Variants in MALRD1 observed in about 807,000 individuals in gnomAD.
MALRD1 encodes MAM and LDL receptor class A domain containing 1, also known as MAM and LDL-receptor class A domain-containing protein 1.
MALRD1 carries 247 observed loss-of-function variants against 242.1 expected under a neutral mutation model. That is an observed-to-expected ratio of 1.02 (90% CI 0.92 to 1.13). The LOEUF (loss-of-function observed/expected upper bound fraction) is 1.13. Among genes scored for constraint, MALRD1 ranks in the 50% most tolerant of loss-of-function variants. The probability of loss-of-function intolerance (pLI) is 0.00; values close to 1 mark genes in which losing one functional copy is unlikely to be tolerated. For synonymous variants in MALRD1, 995 were observed against 866.6 expected (o/e 1.15, Z -2.60); for missense variants, 2,989 against 2,533.1 (o/e 1.18, Z -3.86).
chr10:19,340,328 G>T lies in MALRD1; in HGVS notation c.3902-7443G>T, dbSNP rs184257595. 2.7e-5 allele frequency among the ~76,000 whole-genome samples: 4 copies of T among 146,434 alleles called. No homozygotes were observed. In the East Asian group the frequency reaches 8.2e-4, roughly 30 times the overall value. Reference sequence around the variant, plus strand: ...TAAAATTAATTTATCACTGACTGTAGTCAATTTGATGTGCTAACTTTTTTT... The same window carrying T: ...TAAAATTAATTTATCACTGACTGTATTCAATTTGATGTGCTAACTTTTTTT... On this transcript the variant is annotated intron_variant, in intron 24 of 39. Coordinates refer to ENST00000454679, the MANE Select transcript of MALRD1 (RefSeq NM_001142308.3).
chr10:19,173,232 A>C (rs1282819503), intron 13 of MALRD1, among the ~76,000 whole-genome samples: 1 of 152,074 alleles, frequency 6.6e-6, no homozygotes, highest in African/African-American at 2.4e-5. Context: ...ATTATACTAT[A>C]ATATTTTTCT....
chr10:19,271,410 A>T (rs747858498), intron 19 of MALRD1, among the ~76,000 whole-genome samples: 3 of 152,146 alleles, frequency 2.0e-5, no homozygotes, highest in African/African-American at 4.8e-5. Context: ...AAACCCAAAT[A>T]CCATTTTATT....
chr10:19,162,963 A>C (rs1834497056), intron 12 of MALRD1, among the ~76,000 whole-genome samples: 1 of 151,220 alleles, frequency 6.6e-6, no homozygotes, highest in South Asian at 2.1e-4. Context: ...TGAAACCTTC[A>C]TCTCTACTAA....
At chr10:19,278,751 G>A (rs1588839200) in intron 19 of MALRD1, among the ~76,000 whole-genome samples, 1 of 152,172 alleles carries the variant, frequency 6.6e-6, no homozygotes, top group Non-Finnish European at 1.5e-5. Context: ...AAAAATGCAC[G>A]AGGAGAGAAG....
chr10:19,243,337 G>T (rs1244762438), intron 18 of MALRD1, among the ~76,000 whole-genome samples: 1 of 152,024 alleles, frequency 6.6e-6, no homozygotes, highest in Non-Finnish European at 1.5e-5. Context: ...GCAGCCCAAA[G>T]AATGTGAAAA....
At chr10:19,138,588 T>C (rs931705817) in intron 10 of MALRD1, among the ~76,000 whole-genome samples, 3 of 151,666 alleles carry the variant, frequency 2.0e-5, no homozygotes, top group Admixed American at 6.6e-5. Flanking sequence ...ACCCAGATAA[T>C]TTTTGTATTT....
At chr10:19,399,730 TTAAAA>T (rs1846750264) in intron 28 of MALRD1, among the ~76,000 whole-genome samples, 1 of 152,182 alleles carries the variant, frequency 6.6e-6, no homozygotes. Flanking sequence ...GGAATTTTAA[TTAAAA>T]TAAATGTTTT....
chr10:19,165,942 G>A (rs1045429896), intron 13 of MALRD1, 132 bp downstream of exon 13: 1 of 577,114 alleles, frequency 1.7e-6, no homozygotes, highest in African/African-American at 1.9e-5. Context: ...CAATGCAACA[G>A]AAGACACTTA....
At chr10:19,318,295 C>G (rs776334806) in intron 21 of MALRD1, among the ~76,000 whole-genome samples, 13 of 151,894 alleles carry the variant, frequency 8.6e-5, no homozygotes, top group Admixed American at 1.3e-4. Context: ...GTACTGTTCA[C>G]AGTTTGATAA....
intron 21 of MALRD1, among the ~76,000 whole-genome samples, chr10:19,285,357 G>T (rs1841055265): frequency 7.0e-6 from 1 of 142,532 alleles, no homozygotes; most frequent in Admixed American, 7.1e-5. Flanking sequence ...TAATGCCTAG[G>T]TTTTCTTCTA....
intron 2 of MALRD1, among the ~76,000 whole-genome samples, chr10:19,084,543 T>G (rs10740840): frequency 0.54 from 81,535 of 151,530 alleles, 22,100 homozygotes; most frequent in Middle Eastern, 0.6. Context: ...CTGCTCACAT[T>G]CAGGTCCATT....
At chr10:19,587,510 G>T (rs1837498920) in intron 33 of MALRD1, among the ~76,000 whole-genome samples, 2 of 152,062 alleles carry the variant, frequency 1.3e-5, no homozygotes, top group Non-Finnish European at 2.9e-5. Flanking sequence ...GATTATCCTT[G>T]GGCACTTTAG....
rs538641820 is a variant in MALRD1, at chr10:19,205,211, C to T, written c.2524C>T (p.Arg842Trp). The change falls in exon 17 of 40, where the codon CGG becomes TGG. Residue 842 changes from arginine to tryptophan, a missense_variant. Arg to Trp is a moderately radical substitution (Grantham distance 101, BLOSUM62 -3). Transcript: ENST00000454679. ...CACCAGGGCTTGCATAGAAAAGCTT[C>T]GGTTATGTGATCTGGTGGATGACTG... ...RHTRACIEKL[R>W]LCDLVDDCGD... 8.4e-6 allele frequency: 13 copies of T among 1,550,908 alleles called. No homozygotes were observed. The highest frequency in any genetic ancestry group is 2.7e-5 in the African/African-American group (2 of 73,106).
At chr10:19,487,054 C>G (rs898102056) in intron 29 of MALRD1, among the ~76,000 whole-genome samples, 1 of 151,990 alleles carries the variant, frequency 6.6e-6, no homozygotes, top group Admixed American at 6.6e-5. Flanking sequence ...GTTTGTCAGT[C>G]TTTTACTAGC....
At chr10:19,317,693 C>T (rs1842762366) in intron 21 of MALRD1, among the ~76,000 whole-genome samples, 1 of 151,884 alleles carries the variant, frequency 6.6e-6, no homozygotes, top group East Asian at 1.9e-4. Flanking sequence ...TTTTTTCCTA[C>T]TTATTGAATT....
chr10:19,642,366 C>G (rs1422876857), intron 36 of MALRD1, among the ~76,000 whole-genome samples: 2 of 151,930 alleles, frequency 1.3e-5, no homozygotes, highest in Non-Finnish European at 2.9e-5. Flanking sequence ...TTCAGAGGTA[C>G]AGAAAATACT....
intron 29 of MALRD1, among the ~76,000 whole-genome samples, chr10:19,462,076 G>A (rs1415873219): frequency 6.6e-6 from 1 of 152,172 alleles, no homozygotes; most frequent in African/African-American, 2.4e-5. Context: ...CCACCTTGGT[G>A]ACCTTATTGA....
intron 14 of MALRD1, among the ~76,000 whole-genome samples, chr10:19,200,847 C>CTAAAAGCTGCT (rs1394355059): frequency 1.3e-5 from 2 of 151,936 alleles, no homozygotes; most frequent in East Asian, 3.9e-4. Context: ...CTCACAGCAA[C>CTAAAAGCTGCT]TAAAAGCTGC....
At chr10:19,531,634 T>G (rs1333930060) in intron 32 of MALRD1, among the ~76,000 whole-genome samples, 1 of 152,196 alleles carries the variant, frequency 6.6e-6, no homozygotes, top group African/African-American at 2.4e-5. Context: ...AGATTCGACA[T>G]GTATCTTCTA....
Sources: allele counts gnomAD v4.1 joint callset (sites outside exome capture counted in the v4.1 genomes callset), GRCh38; gene constraint gnomAD v4.1.1; transcripts MANE v1.5; gene names NCBI Gene and HGNC (gene_info 2026-07-23, HGNC 2026-07-21).